Variants in BNIPL observed in about 807,000 individuals in gnomAD.
BNIPL encodes BCL2 interacting protein like, also known as bcl-2/adenovirus E1B 19 kDa-interacting protein 2-like protein.
In BNIPL, 33 loss-of-function variants were observed where a neutral mutation model predicts 47.0. The observed-to-expected ratio is 0.70, with a 90% confidence interval of 0.53 to 0.94. The LOEUF (loss-of-function observed/expected upper bound fraction) is 0.94, where lower values mean the gene tolerates loss of function less well. Among genes scored for constraint, BNIPL ranks in the 40% least tolerant of loss-of-function variants. The probability of loss-of-function intolerance (pLI) is 0.00; values close to 1 mark genes in which losing one functional copy is unlikely to be tolerated. For synonymous variants in BNIPL, 145 were observed against 162.7 expected (o/e 0.89, Z 0.83); for missense variants, 404 against 445.2 (o/e 0.91, Z 0.83).
chr1:151,046,599 C>CCCAAGT, intron 9 of BNIPL, 52 bp from the exon 10 acceptor site: 1 of 1,508,904 alleles, frequency 6.6e-7, no homozygotes, highest in Non-Finnish European at 9.1e-7. Flanking sequence ...GAAAATAAAA[C>CCCAAGT]CCAAGTCCTA....
Position 151,045,880 on chromosome 1 carries a change from T to C in BNIPL, c.935T>C (p.Ile312Thr), listed in dbSNP as rs1676004732. ...TTTCTGGCACTGCTTCGGCCCTTCA[T>C]CAGGTACTAGTTCTAGGAACAAGGA... ...KAFLALLRPF[I>T]SSKFTRKIRF... is the part of the protein sequence containing the mutation. Residue 312 changes from isoleucine to threonine, a missense_variant, in exon 8 of 10, where the codon ATC becomes ACC. Ile to Thr is a moderately conservative substitution (Grantham distance 89). Coordinates refer to ENST00000368931, the MANE Select transcript of BNIPL (RefSeq NM_138278.4). The C allele has an allele frequency of 6.2e-7, 1 of 1,614,166 alleles. No individual in the cohort carries two copies. Among genetic ancestry groups the C allele is most frequent in the African/African-American group, 1.3e-5 (1 of 75,024 alleles).
At chr1:151,038,285 G>A in intron 2 of BNIPL, 2 of 569,102 alleles carry the variant, frequency 3.5e-6, no homozygotes, top group South Asian at 2.2e-5. Context: ...GAGGTGGGAG[G>A]ACCGCTTGAA....
chr1:151,046,783 CAACCTCA>C lies in BNIPL; in HGVS notation c.*97_*103del. ...ACTGTTTTGTAAATCATCTTATCCC[CAACCTCA>C]GTACCACCGGATCTTCACTTCTCAG... On this transcript the variant is annotated 3_prime_UTR_variant, in exon 10 of 10. Transcript: ENST00000368931. 1 of 965,234 alleles carries C rather than the reference CAACCTCA, an allele frequency of 1.0e-6. No homozygotes were observed. Among genetic ancestry groups the C allele is most frequent in the Non-Finnish European group, 1.5e-6 (1 of 652,762 alleles). 59.8% of individuals were successfully genotyped at this position (965,234 alleles called of 1,614,324 possible). A position where few individuals can be genotyped will look rare whatever the true frequency, so the allele number is the denominator to read the frequency against.
Position 151,038,978 on chromosome 1 carries a change from C to T in BNIPL, c.385C>T (p.Pro129Ser), listed in dbSNP as rs1280997239. Residue 129 changes from proline (P) to serine (S), a missense_variant, in exon 4 of 10, where the codon CCT becomes TCT. By Grantham distance (74) the Pro-to-Ser change is moderately conservative. Transcript: ENST00000368931. ...SDLEIDELET[P>S]SDSEQLDSGH... The stretch of plus-strand genomic sequence containing the variant: ...CCTGGAGATAGACGAATTGGAGACA[C>T]CTTCAGACTCGGAGCAGCTGGACAG... The T allele has an allele frequency of 6.2e-7, 1 of 1,610,240 alleles. No individual in the cohort carries two copies. Among genetic ancestry groups the T allele is most frequent in the South Asian group, 1.1e-5 (1 of 90,596 alleles).
At chr1:151,046,443 T>G (rs945644814) in intron 9 of BNIPL, among the ~76,000 whole-genome samples, 9 of 151,470 alleles carry the variant, frequency 5.9e-5, no homozygotes, top group African/African-American at 2.2e-4. Flanking sequence ...AGATTCAGAC[T>G]GGCCCTAGAA....
intron 7 of BNIPL, chr1:151,045,003 G>T: frequency 8.1e-7 from 1 of 1,239,918 alleles, no homozygotes; most frequent in African/African-American, 1.6e-5. Context: ...GGTGGCTCAC[G>T]TCTGTAATCC....
intron 8 of BNIPL, 34 bp from the exon 9 acceptor site, chr1:151,046,033 T>C: frequency 1.2e-6 from 2 of 1,613,998 alleles, no homozygotes; most frequent in Non-Finnish European, 1.7e-6. Flanking sequence ...CTTCTCCCAA[T>C]ACAAAACACA....
In BNIPL at chr1:151,039,011, G is replaced by C; in HGVS notation, c.418G>C (p.Glu140Gln). 1.3e-6 allele frequency: 2 copies of C among 1,580,946 alleles called. No homozygotes were observed. The highest frequency in any genetic ancestry group is 2.3e-5 in the South Asian group (2 of 85,940). Reference protein sequence around the residue: ...SDSEQLDSGHEFEWEDELPRA... With the variant: ...SDSEQLDSGHQFEWEDELPRA... Reference sequence around the variant, plus strand: ...CTCGGAGCAGCTGGACAGTGGACATGAATTTGAATGGGAAGGTGGGAAACA... The same window carrying C: ...CTCGGAGCAGCTGGACAGTGGACATCAATTTGAATGGGAAGGTGGGAAACA... Residue 140 changes from glutamate to glutamine, a missense_variant, in exon 4 of 10, where the codon GAA (glutamate) becomes CAA (glutamine). Glu to Gln is a conservative substitution (Grantham distance 29). Transcript: ENST00000368931.
At chr1:151,043,497 C>T in intron 6 of BNIPL, 63 bp downstream of exon 6, 1 of 1,554,994 alleles carries the variant, frequency 6.4e-7, no homozygotes, top group Non-Finnish European at 8.9e-7. Flanking sequence ...AAAAAGAACT[C>T]CTTCAAAGAT....
rs1393012794 is a variant in BNIPL, at chr1:151,038,547, C to G, written c.181C>G (p.Pro61Ala). 5 of 1,613,594 alleles carry G rather than the reference C, an allele frequency of 3.1e-6. No homozygotes were observed. Among genetic ancestry groups the G allele is most frequent in the Non-Finnish European group, 4.2e-6 (5 of 1,179,750 alleles). Residue 61 changes from proline (P) to alanine (A), a missense_variant, in exon 3 of 10, where the codon CCT (proline) becomes GCT (alanine). Physicochemically the swap from Pro to Ala is conservative, Grantham distance 27 (BLOSUM62 -1). Transcript: ENST00000368931. Reference sequence around the variant, plus strand: ...TGGCACTTCTGAAGATCCTGAAGACCCTAAAGGAGATTCACAGGCAGGTAG... The same window carrying G: ...TGGCACTTCTGAAGATCCTGAAGACGCTAAAGGAGATTCACAGGCAGGTAG... ...EAGTSEDPED[P>A]KGDSQAAAGT... is the part of the protein sequence containing the mutation.
rs587609425 is a variant in BNIPL, at chr1:151,046,501, A to T, written c.1038-150A>T. ...GTGAACAGATGATATCCAGTGGGGG[A>T]GAGGGTGTTAGGGAGCAAAAGTGCT... On this transcript the variant is annotated intron_variant, in intron 9 of 9. Transcript: ENST00000368931. 6 of 711,830 alleles carry T rather than the reference A, an allele frequency of 8.4e-6. No individual in the cohort carries two copies. The East Asian group carries it at 1.7e-4, about 20-fold the overall frequency. 44.1% of individuals were successfully genotyped at this position (711,830 alleles called of 1,614,324 possible). A position where few individuals can be genotyped will look rare whatever the true frequency, so the allele number is the denominator to read the frequency against.
intron 9 of BNIPL, 105 bp downstream of exon 9, chr1:151,046,270 G>T: frequency 6.7e-7 from 1 of 1,498,818 alleles, no homozygotes; most frequent in South Asian, 1.3e-5. Flanking sequence ...AAGCTAGAGG[G>T]CCCTGTTTTC....
chr1:151,042,241 TTTG>T (rs754164981), intron 4 of BNIPL, among the ~76,000 whole-genome samples: 5 of 151,788 alleles, frequency 3.3e-5, no homozygotes, highest in Admixed American at 1.3e-4. Flanking sequence ...GTTCCATTTT[TTTG>T]TTGTTGTTGT....
chr1:151,043,473 G>A, intron 6 of BNIPL, 39 bp downstream of exon 6: 1 of 1,561,358 alleles, frequency 6.4e-7, no homozygotes, highest in Admixed American at 1.7e-5. Context: ...GGCAGTGTTA[G>A]GGAGGGAAAA....
In BNIPL at chr1:151,043,690, A is replaced by T. The variant is rs1277030935; in HGVS notation, c.814A>T (p.Ser272Cys). The stretch of plus-strand genomic sequence containing the variant: ...AAGCAGGGCCCAAGTTCCACCTCTA[A>T]GCTGGATACGTCAGTGTTACCGTAC... ...GTSRAQVPPL[S>C]WIRQCYRTLD... The change falls in exon 7 of 10, where the codon AGC (serine) becomes TGC (cysteine). Residue 272 changes from serine (S) to cysteine (C), a missense_variant. By Grantham distance (112) the Ser-to-Cys change is moderately radical (BLOSUM62 -1). Transcript: ENST00000368931. 5 of 1,613,932 alleles carry T rather than the reference A, an allele frequency of 3.1e-6. No homozygotes were observed. Among genetic ancestry groups the T allele is most frequent in the Non-Finnish European group, 4.2e-6 (5 of 1,179,938 alleles).
In BNIPL at chr1:151,036,621, C is replaced by T. The variant is rs1001357259; in HGVS notation, c.-105C>T. On this transcript the variant is annotated 5_prime_UTR_variant, in exon 1 of 10. Transcript: ENST00000368931. ...CCTCCCTCCTTGGAGGCAAGAGCTA[C>T]AACAGCTGAGACAGAAAAGAGGTAA... 1.8e-6 allele frequency: 2 copies of T among 1,096,244 alleles called. No homozygotes were observed. The highest frequency in any genetic ancestry group is 1.6e-5 in the African/African-American group (1 of 64,358). The allele number at this position is 1,096,244 out of a possible 1,614,324, so 67.9% of individuals were successfully genotyped here.
At position 151,046,094 on chromosome 1, in the gene BNIPL, T is replaced by C; in HGVS notation, c.966T>C (p.Phe322=). The part of the protein sequence containing the change: ...ISSKFTRKIR[F]LDSLGELAQL... ...CCAAATTCACACGAAAAATCCGTTTTCTGGACAGCCTGGGGGAGCTGGCCC... is the reference window on the plus strand; with the variant it reads ...CCAAATTCACACGAAAAATCCGTTTCCTGGACAGCCTGGGGGAGCTGGCCC... The change falls in exon 9 of 10, where the codon TTT becomes TTC. Residue 322 remains phenylalanine, a synonymous_variant. Transcript: ENST00000368931. 6.2e-7 allele frequency: 1 copy of C among 1,614,212 alleles called. No individual in the cohort carries two copies. Among genetic ancestry groups the C allele is most frequent in the Non-Finnish European group, 8.5e-7 (1 of 1,180,036 alleles).
intron 4 of BNIPL, among the ~76,000 whole-genome samples, chr1:151,040,953 G>A (rs1373874672): frequency 6.6e-6 from 1 of 152,144 alleles, no homozygotes; most frequent in Non-Finnish European, 1.5e-5. Context: ...GGCTGAGGAG[G>A]GCAGATCATC....
chr1:151,043,496 T>C (rs1164747208), intron 6 of BNIPL, 62 bp downstream of exon 6: 1 of 1,554,554 alleles, frequency 6.4e-7, no homozygotes, highest in Non-Finnish European at 8.9e-7. Flanking sequence ...AAAAAAGAAC[T>C]CCTTCAAAGA....
Sources: allele counts gnomAD v4.1 joint callset (sites outside exome capture counted in the v4.1 genomes callset), GRCh38; gene constraint gnomAD v4.1.1; transcripts MANE v1.5; gene names NCBI Gene and HGNC (gene_info 2026-07-23, HGNC 2026-07-21).